Variants in INSR observed in about 807,000 individuals in gnomAD.
The protein encoded by INSR is IR.
Under a neutral mutation model 142.6 loss-of-function variants are expected in INSR, and 67 were observed. The ratio of observed to expected loss-of-function variants is 0.47; its 90% CI spans 0.39 to 0.58. INSR has a LOEUF of 0.58. INSR is among the 20% of genes least tolerant of loss of function. The probability of loss-of-function intolerance (pLI) is 0.00; values close to 1 mark genes in which losing one functional copy is unlikely to be tolerated. For synonymous variants in INSR, 756 were observed against 743.1 expected (o/e 1.02, Z -0.28); for missense variants, 1,248 against 1,833.2 (o/e 0.68, Z 5.83).
rs559976639 is a variant in INSR at position 7,136,469 on chromosome 19, T to A, written c.2683-4152A>T. Among the ~76,000 whole-genome samples, 28 of 152,228 alleles carry A rather than the reference T, an allele frequency of 1.8e-4. 1 individual carries two copies. In the South Asian group the frequency reaches 5.8e-3, roughly 32 times the overall value. On this transcript the variant is annotated intron_variant, in intron 13 of 21. Coordinates refer to ENST00000302850, the MANE Select transcript of INSR (RefSeq NM_000208.4). ...GTCCTGGCTAAACCTAGACAACTGG[T>A]CACCCTGTTGGCACTGGATTTAACT...
rs369919269 is a variant in INSR, at chr19:7,116,815, C to T, written c.*241G>A. On this transcript the variant is annotated 3_prime_UTR_variant, in exon 22 of 22. Coordinates refer to ENST00000302850, the MANE Select transcript of INSR (RefSeq NM_000208.4). Reference sequence around the variant, plus strand: ...ATCCTGGTTTGAAACCGTCGTTGCCCCAAAGGAGCAGCAACTGTGGAAACC... The same window carrying T: ...ATCCTGGTTTGAAACCGTCGTTGCCTCAAAGGAGCAGCAACTGTGGAAACC... 6.8e-5 allele frequency: 31 copies of T among 454,334 alleles called. No homozygotes were observed. Among genetic ancestry groups the T allele is most frequent in the East Asian group, 4.6e-4 (13 of 28,060 alleles). 28.1% of individuals were successfully genotyped at this position (454,334 alleles called of 1,614,324 possible).
intron 9 of INSR, among the ~76,000 whole-genome samples, chr19:7,153,677 C>T (rs1010340239): frequency 1.5e-4 from 23 of 151,862 alleles, no homozygotes; most frequent in Non-Finnish European, 2.9e-4. Context: ...ATGATTGCAC[C>T]CCTACACTTC....
At chr19:7,245,684 G>A (rs950643781) in intron 2 of INSR, among the ~76,000 whole-genome samples, 1 of 151,800 alleles carries the variant, frequency 6.6e-6, no homozygotes, top group African/African-American at 2.4e-5. Flanking sequence ...GACTTCAAGT[G>A]ATCCAGCCAC....
intron 9 of INSR, among the ~76,000 whole-genome samples, chr19:7,155,607 A>G (rs1239214083): frequency 7.4e-6 from 1 of 135,886 alleles, no homozygotes; most frequent in East Asian, 2.3e-4. Context: ...GAATGGTGGG[A>G]GGGGGTTAGA....
At position 7,172,285 on chromosome 19, in the gene INSR, C is replaced by T. The variant is rs762359047; in HGVS notation, c.1268+5G>A. ...CAGGCCATACACACAATCAGGCCCACGTACCCAATTTCCAAGGTCTCTCCT... is the reference window on the plus strand; with the variant it reads ...CAGGCCATACACACAATCAGGCCCATGTACCCAATTTCCAAGGTCTCTCCT... On this transcript the variant is annotated splice_donor_5th_base_variant and intron_variant, in intron 5 of 21. Coordinates refer to ENST00000302850, the MANE Select transcript of INSR (RefSeq NM_000208.4). 7.2e-5 allele frequency: 116 copies of T among 1,613,874 alleles called. No individual in the cohort carries two copies. In the Admixed American group the frequency reaches 1.6e-3, roughly 23 times the overall value.
rs1210479584 is a variant in INSR, at chr19:7,114,425, T to A, written c.*2631A>T. On this transcript the variant is annotated 3_prime_UTR_variant, in exon 22 of 22. Transcript: ENST00000302850. Reference sequence around the variant, plus strand: ...ACATAGTGACAATAGATGGAGGATTTTTTTTTAAAGGAAGATTAAATTCAG... The same window carrying A: ...ACATAGTGACAATAGATGGAGGATTATTTTTTAAAGGAAGATTAAATTCAG... 2.0e-5 allele frequency: 3 copies of A among 152,242 alleles called. No individual in the cohort carries two copies. Among genetic ancestry groups the A allele is most frequent in the Non-Finnish European group, 4.4e-5 (3 of 68,044 alleles). 9.4% of individuals were successfully genotyped at this position (152,242 alleles called of 1,614,324 possible). A position where few individuals can be genotyped will look rare whatever the true frequency, so the allele number is the denominator to read the frequency against.
intron 12 of INSR, 113 bp downstream of exon 12, chr19:7,142,703 G>A: frequency 3.8e-6 from 5 of 1,327,300 alleles, no homozygotes; most frequent in Non-Finnish European, 5.3e-6. Flanking sequence ...AAACAAAAAT[G>A]AAGGCCAATA....
At chr19:7,180,953 T>C (rs190423150) in intron 3 of INSR, among the ~76,000 whole-genome samples, 70 of 152,182 alleles carry the variant, frequency 4.6e-4, no homozygotes, top group African/African-American at 1.6e-3. Context: ...TTTTATTTTT[T>C]CTTTTGAGAC....
chr19:7,208,340 C>T (rs1399226608), intron 2 of INSR, among the ~76,000 whole-genome samples: 2 of 118,494 alleles, frequency 1.7e-5, no homozygotes, highest in East Asian at 2.5e-4. Flanking sequence ...TTTCCTCAGC[C>T]TATCTTCCCT....
chr19:7,197,698 T>TGTGTGTGA (rs1974805634), intron 2 of INSR, among the ~76,000 whole-genome samples: 1 of 127,490 alleles, frequency 7.8e-6, no homozygotes, highest in Non-Finnish European at 1.6e-5. Context: ...TGTGTGTGTG[T>TGTGTGTGA]TTGGCAGGTT....
chr19:7,278,640 C>A (rs1968125741), intron 1 of INSR, among the ~76,000 whole-genome samples: 1 of 152,146 alleles, frequency 6.6e-6, no homozygotes, highest in Non-Finnish European at 1.5e-5. Context: ...GGGTGGATCA[C>A]CTGAGGTCAG....
intron 2 of INSR, among the ~76,000 whole-genome samples, chr19:7,212,346 C>T (rs1028059463): frequency 6.6e-6 from 1 of 152,282 alleles, no homozygotes; most frequent in South Asian, 2.1e-4. Flanking sequence ...CTGGCTTCCC[C>T]ACAGTCACAC....
chr19:7,197,516 G>GT (rs1568480264), intron 2 of INSR, among the ~76,000 whole-genome samples: 1,061 of 70,908 alleles, frequency 0.015, 198 homozygotes, highest in African/African-American at 0.029. Context: ...TGGGAGTGGG[G>GT]GTGTGTGTGT....
rs57665258 is a variant in INSR, at chr19:7,136,828, C to CATATATATATATAT, written c.2683-4525_2683-4512dup. ...ATGTAAAACTTTATTTATTTATTTA[C>CATATATATATATAT]ATATATATATATATATATATTGAGA... is the stretch of plus-strand genomic sequence containing the variant. On this transcript the variant is annotated intron_variant, in intron 13 of 21. Transcript: ENST00000302850. Among the ~76,000 whole-genome samples the CATATATATATATAT allele has an allele frequency of 6.2e-4, 86 of 139,834 alleles. 6 individuals carry two copies. The highest frequency in any genetic ancestry group is 2.0e-3 in the African/African-American group (70 of 34,614). The allele number at this position is 139,834 out of a possible 152,430, so 91.7% of individuals were successfully genotyped here.
At chr19:7,268,029 C>T (rs1012937684) in intron 1 of INSR, 133 bp from the exon 2 acceptor site, 4 of 776,218 alleles carry the variant, frequency 5.2e-6, no homozygotes, top group Non-Finnish European at 8.8e-6. Flanking sequence ...GCCCTGTAAA[C>T]TCTGCAGCCA....
chr19:7,266,224 C>T (rs891040191), intron 2 of INSR, among the ~76,000 whole-genome samples: 1 of 152,080 alleles, frequency 6.6e-6, no homozygotes, highest in African/African-American at 2.4e-5. Context: ...GGAGGAGTGG[C>T]CGTTGGCACA....
rs912366991 is a variant in INSR at position 7,113,198 on chromosome 19, C to G, written c.*3858G>C. 6.6e-6 allele frequency: 1 copy of G among 152,146 alleles called. No homozygotes were observed. Among genetic ancestry groups the G allele is most frequent in the Non-Finnish European group, 1.5e-5 (1 of 68,038 alleles). 9.4% of individuals were successfully genotyped at this position (152,146 alleles called of 1,614,324 possible). On this transcript the variant is annotated 3_prime_UTR_variant, in exon 22 of 22. Coordinates refer to ENST00000302850, the MANE Select transcript of INSR (RefSeq NM_000208.4). ...CTGATGACGCTCCTGCTCTTTCACACGTGTTACAGCAGACTACAAATAAAC... is the reference window on the plus strand; with the variant it reads ...CTGATGACGCTCCTGCTCTTTCACAGGTGTTACAGCAGACTACAAATAAAC...
intron 2 of INSR, among the ~76,000 whole-genome samples, chr19:7,204,802 C>A (rs1381833512): frequency 6.6e-6 from 1 of 152,146 alleles, no homozygotes; most frequent in African/African-American, 2.4e-5. Flanking sequence ...TGGGTAGAGC[C>A]GGGCGCAGTG....
chr19:7,285,914 A>G (rs1283637152), intron 1 of INSR, among the ~76,000 whole-genome samples: 4 of 152,194 alleles, frequency 2.6e-5, no homozygotes, highest in Admixed American at 1.3e-4. Context: ...AACTCTACAC[A>G]TGGCTTAAAA....
Sources: allele counts gnomAD v4.1 joint callset (sites outside exome capture counted in the v4.1 genomes callset), GRCh38; gene constraint gnomAD v4.1.1; transcripts MANE v1.5; gene names NCBI Gene and HGNC (gene_info 2026-07-23, HGNC 2026-07-21).